RHEX: variants seen among roughly 807,000 people sequenced by gnomAD.
RHEX encodes regulator of hemoglobinization and erythroid cell expansion.
RHEX carries 18 observed loss-of-function variants against 20.1 expected under a neutral mutation model. The observed-to-expected ratio is 0.90, with a 90% CI of 0.62 to 1.33. The LOEUF is 1.33. Among genes scored for constraint, RHEX ranks in the 40% most tolerant of loss-of-function variants. RHEX has a pLI of 0.00. For missense variants in RHEX, 192 were observed against 214.3 expected (o/e 0.90, Z 0.65); for synonymous variants, 87 against 77.1 (o/e 1.13, Z -0.67).
rs1663204529 is a variant in RHEX, at chr1:206,102,055, G to C, written c.*103G>C. 4.2e-6 allele frequency: 4 copies of C among 947,844 alleles called. No homozygotes were observed. In the Middle Eastern group the frequency reaches 6.5e-4, roughly 154 times the overall value. The allele number at this position is 947,844 out of a possible 1,614,324, so 58.7% of individuals were successfully genotyped here. A position where few individuals can be genotyped will look rare whatever the true frequency, so the allele number is the denominator to read the frequency against. The stretch of plus-strand genomic sequence containing the variant: ...CTTAAACAAGGCATGGGGCTCACAA[G>C]TCTATGGAGACAGGCCAAAAAGAAT... On this transcript the variant is annotated 3_prime_UTR_variant, in exon 6 of 6. Transcript: ENST00000331555.
At chr1:206,088,696 T>G (rs1558177669) in intron 1 of RHEX, among the ~76,000 whole-genome samples, 1 of 152,126 alleles carries the variant, frequency 6.6e-6, no homozygotes, top group Non-Finnish European at 1.5e-5. Flanking sequence ...AACAAACAAA[T>G]GAAAGAAATA....
chr1:206,072,468 C>G (rs1449502715), intron 1 of RHEX, among the ~76,000 whole-genome samples: 1 of 151,888 alleles, frequency 6.6e-6, no homozygotes, highest in Non-Finnish European at 1.5e-5. Flanking sequence ...CCTAGCTACT[C>G]GGGAGGCTGA....
intron 1 of RHEX, among the ~76,000 whole-genome samples, chr1:206,086,065 C>G (rs552653688): frequency 6.6e-6 from 1 of 152,300 alleles, no homozygotes; most frequent in East Asian, 1.9e-4. Flanking sequence ...CCATCCCTCC[C>G]TTTCCTCAGC....
chr1:206,066,154 G>A (rs1662418320), intron 1 of RHEX, among the ~76,000 whole-genome samples: 1 of 152,222 alleles, frequency 6.6e-6, no homozygotes, highest in Non-Finnish European at 1.5e-5. Flanking sequence ...CCAGAGCCCT[G>A]GTCTTTAGAG....
At chr1:206,071,438 C>T (rs1356809424) in intron 1 of RHEX, among the ~76,000 whole-genome samples, 7 of 149,284 alleles carry the variant, frequency 4.7e-5, no homozygotes, top group African/African-American at 1.7e-4. Context: ...TACCCAGGAA[C>T]AATACTTTGC....
At chr1:206,074,553 A>G (rs74987907) in intron 1 of RHEX, among the ~76,000 whole-genome samples, 1,541 of 152,306 alleles carry the variant, frequency 0.01, 28 homozygotes, top group African/African-American at 0.036. Context: ...GGTTTTTAGT[A>G]TATTCACAGA....
chr1:206,085,401 C>A (rs1571867084), intron 1 of RHEX, among the ~76,000 whole-genome samples: 1 of 152,140 alleles, frequency 6.6e-6, no homozygotes, highest in Admixed American at 6.5e-5. Context: ...GCAGGCCAAT[C>A]GATGAAACAG....
At chr1:206,077,297 C>A (rs1662653295) in intron 1 of RHEX, among the ~76,000 whole-genome samples, 1 of 152,108 alleles carries the variant, frequency 6.6e-6, no homozygotes, top group Admixed American at 6.5e-5. Flanking sequence ...AAAATATATA[C>A]CTTCAGAGTC....
chr1:206,088,542 G>GCAC (rs1553286628), intron 1 of RHEX, among the ~76,000 whole-genome samples: 1 of 152,128 alleles, frequency 6.6e-6, no homozygotes, highest in East Asian at 1.9e-4. Flanking sequence ...AATTAGCCAG[G>GCAC]CACGGTGCTG....
intron 1 of RHEX, among the ~76,000 whole-genome samples, chr1:206,091,219 A>T (rs1460953134): frequency 6.6e-6 from 1 of 152,202 alleles, no homozygotes; most frequent in Non-Finnish European, 1.5e-5. Context: ...GAGTTAATGT[A>T]TATAAAAATT....
chr1:206,071,208 A>T (rs1308510322), intron 1 of RHEX, among the ~76,000 whole-genome samples: 1 of 152,162 alleles, frequency 6.6e-6, no homozygotes, highest in Non-Finnish European at 1.5e-5. Context: ...AAGCTGAAGA[A>T]CTTGGAGTCT....
chr1:206,064,681 C>T (rs572916699), intron 1 of RHEX, among the ~76,000 whole-genome samples: 21 of 141,714 alleles, frequency 1.5e-4, no homozygotes, highest in South Asian at 2.3e-4. Flanking sequence ...CCCGGCCAGC[C>T]GCCCCATCCG....
intron 1 of RHEX, among the ~76,000 whole-genome samples, chr1:206,054,231 T>C (rs1662139225): frequency 7.0e-6 from 1 of 143,518 alleles, no homozygotes; most frequent in Admixed American, 6.7e-5. Flanking sequence ...AAAAAAAATG[T>C]TTGTAATAAG....
intron 1 of RHEX, among the ~76,000 whole-genome samples, chr1:206,096,718 G>A (rs1462827363): frequency 6.7e-6 from 1 of 150,154 alleles, no homozygotes; most frequent in East Asian, 1.9e-4. Flanking sequence ...TCTTTCCAGT[G>A]TGTTGGCTCT....
intron 1 of RHEX, among the ~76,000 whole-genome samples, chr1:206,063,929 T>C (rs1662358526): frequency 1.6e-5 from 2 of 126,926 alleles, no homozygotes; most frequent in African/African-American, 3.0e-5. Context: ...CCGGCCGCCA[T>C]CCCATCTGGG....
intron 1 of RHEX, among the ~76,000 whole-genome samples, chr1:206,053,939 C>A (rs1662122981): frequency 1.3e-5 from 2 of 152,340 alleles, no homozygotes; most frequent in South Asian, 4.1e-4. Flanking sequence ...TTAGACTAAA[C>A]AAGGTCTTAA....
At chr1:206,079,255 G>A (rs1238092635) in intron 1 of RHEX, among the ~76,000 whole-genome samples, 1 of 152,118 alleles carries the variant, frequency 6.6e-6, no homozygotes, top group East Asian at 1.9e-4. Context: ...TACTGAAAAA[G>A]TGATAATTCA....
intron 1 of RHEX, among the ~76,000 whole-genome samples, chr1:206,088,252 G>A (rs1380322549): frequency 1.3e-5 from 2 of 152,078 alleles, no homozygotes; most frequent in African/African-American, 2.4e-5. Flanking sequence ...CCAATACCTG[G>A]TTTTGTTAAC....
intron 1 of RHEX, among the ~76,000 whole-genome samples, chr1:206,084,599 T>C (rs1553286259): frequency 6.6e-6 from 1 of 152,148 alleles, no homozygotes; most frequent in East Asian, 1.9e-4. Flanking sequence ...GAAGCATGTA[T>C]CAGGTACTCA....
Sources: allele counts gnomAD v4.1 joint callset (sites outside exome capture counted in the v4.1 genomes callset), GRCh38; gene constraint gnomAD v4.1.1; transcripts MANE v1.5; gene names NCBI Gene and HGNC (gene_info 2026-07-23, HGNC 2026-07-21).